The following ZDHHC14 variants were observed in gnomAD, a reference collection of about 807,000 sequenced individuals.
ZDHHC14 encodes palmitoyltransferase ZDHHC14.
ZDHHC14 carries 16 observed loss-of-function variants against 47.7 expected under a neutral mutation model. That is an observed-to-expected ratio of 0.34 (90% CI 0.23 to 0.51). The LOEUF (loss-of-function observed/expected upper bound fraction) is 0.51. Ranked by LOEUF, ZDHHC14 falls within the 20% of genes least tolerant of loss-of-function variation. The probability of loss-of-function intolerance (pLI) is 0.97; values close to 1 mark genes in which losing one functional copy is unlikely to be tolerated. For missense variants in ZDHHC14, 515 were observed against 662.5 expected (o/e 0.78, Z 2.44); for synonymous variants, 293 against 278.9 (o/e 1.05, Z -0.50).
chr6:157,443,942 G>C (rs1193228424), intron 1 of ZDHHC14, among the ~76,000 whole-genome samples: 1 of 152,186 alleles, frequency 6.6e-6, no homozygotes, highest in Non-Finnish European at 1.5e-5. Context: ...TGTACCGTAA[G>C]CACTAGTAAA....
chr6:157,518,093 CTTTG>C (rs199518499), intron 1 of ZDHHC14, among the ~76,000 whole-genome samples: 1,967 of 152,202 alleles, frequency 0.013, 40 homozygotes, highest in African/African-American at 0.046. Context: ...AAGCTTGCAG[CTTTG>C]TTTATTTTCC....
intron 5 of ZDHHC14, among the ~76,000 whole-genome samples, chr6:157,634,343 A>C (rs1776860921): frequency 6.6e-6 from 1 of 152,184 alleles, no homozygotes; most frequent in South Asian, 2.1e-4. Flanking sequence ...GAAGAAGTTG[A>C]CTGGAAGGAA....
At chr6:157,480,639 G>A (rs1393819285) in intron 1 of ZDHHC14, among the ~76,000 whole-genome samples, 3 of 152,158 alleles carry the variant, frequency 2.0e-5, no homozygotes, top group Non-Finnish European at 4.4e-5. Flanking sequence ...CCAGTAGACG[G>A]CTCCCACTTT....
chr6:157,389,339 A>G (rs1341792178), intron 1 of ZDHHC14, among the ~76,000 whole-genome samples: 2 of 152,196 alleles, frequency 1.3e-5, no homozygotes, highest in Non-Finnish European at 2.9e-5. Flanking sequence ...TTGAAGAGTA[A>G]GTTGCAGATA....
intron 1 of ZDHHC14, among the ~76,000 whole-genome samples, chr6:157,480,687 A>G (rs1422254846): frequency 6.6e-6 from 1 of 152,224 alleles, no homozygotes; most frequent in Non-Finnish European, 1.5e-5. Context: ...TCAGATGATC[A>G]TGGTTTTAAG....
chr6:157,558,282 G>A (rs953238432), intron 2 of ZDHHC14, among the ~76,000 whole-genome samples: 1 of 151,948 alleles, frequency 6.6e-6, no homozygotes, highest in African/African-American at 2.4e-5. Context: ...TAATTACTCT[G>A]AGCCAGGTGA....
chr6:157,559,701 A>G (rs1562481183), intron 2 of ZDHHC14, among the ~76,000 whole-genome samples: 1 of 152,218 alleles, frequency 6.6e-6, no homozygotes, highest in Non-Finnish European at 1.5e-5. Context: ...TGTCATGAAT[A>G]CTATTTTGGA....
intron 8 of ZDHHC14, among the ~76,000 whole-genome samples, chr6:157,660,197 T>C (rs1011444108): frequency 4.6e-5 from 7 of 151,280 alleles, no homozygotes; most frequent in African/African-American, 1.7e-4. Context: ...TCTTTTTTTT[T>C]TTTTTTTCTT....
intron 2 of ZDHHC14, among the ~76,000 whole-genome samples, chr6:157,555,656 T>A (rs538949299): frequency 3.3e-4 from 50 of 152,296 alleles, no homozygotes; most frequent in African/African-American, 1.1e-3. Flanking sequence ...TTCTTTTTTT[T>A]AAACAGAGCA....
rs140536209 is a variant in ZDHHC14, at chr6:157,496,357, T to C, written c.246-46228T>C. On this transcript the variant is annotated intron_variant, in intron 1 of 8. Transcript: ENST00000359775. ...CATTGAGGGCTGGTCCCCTCCCACA[T>C]TGGGGAGGAAGTTAACCCCCCCCAT... 3.5e-3 allele frequency among the ~76,000 whole-genome samples: 529 copies of C among 151,560 alleles called. 3 individuals carry two copies. Among genetic ancestry groups the C allele is most frequent in the African/African-American group, 0.011 (470 of 41,224 alleles).
intron 2 of ZDHHC14, among the ~76,000 whole-genome samples, chr6:157,575,694 C>T (rs1783280131): frequency 6.6e-6 from 1 of 152,210 alleles, no homozygotes; most frequent in Admixed American, 6.5e-5. Context: ...GGGAAGAGTT[C>T]CTGCCCCAGG....
At chr6:157,647,823 C>A (rs1342268921) in intron 7 of ZDHHC14, among the ~76,000 whole-genome samples, 2 of 152,242 alleles carry the variant, frequency 1.3e-5, no homozygotes, top group African/African-American at 4.8e-5. Flanking sequence ...GTCGTTGATA[C>A]TGTGGTCATG....
chr6:157,515,667 G>A (rs899808259), intron 1 of ZDHHC14, among the ~76,000 whole-genome samples: 2 of 151,364 alleles, frequency 1.3e-5, no homozygotes, highest in East Asian at 3.9e-4. Context: ...GGGTTTCACC[G>A]TGTTAGCCTG....
chr6:157,481,779 C>G (rs1002711965), intron 1 of ZDHHC14, among the ~76,000 whole-genome samples: 10 of 152,184 alleles, frequency 6.6e-5, no homozygotes, highest in African/African-American at 2.4e-4. Flanking sequence ...TGCACCATTC[C>G]TAAAGCTCGA....
chr6:157,513,852 A>G (rs1242006522), intron 1 of ZDHHC14, among the ~76,000 whole-genome samples: 2 of 152,200 alleles, frequency 1.3e-5, no homozygotes, highest in Non-Finnish European at 2.9e-5. Context: ...CCCAGCCATC[A>G]TGAAACCTGA....
chr6:157,467,893 T>C (rs1031134680), intron 1 of ZDHHC14, among the ~76,000 whole-genome samples: 2 of 152,196 alleles, frequency 1.3e-5, no homozygotes, highest in African/African-American at 2.4e-5. Flanking sequence ...ATCATATTTA[T>C]ACATATATCG....
intron 3 of ZDHHC14, among the ~76,000 whole-genome samples, chr6:157,609,762 G>A (rs951023663): frequency 3.3e-5 from 5 of 152,150 alleles, no homozygotes; most frequent in African/African-American, 9.7e-5. Flanking sequence ...CAGGAGAGCC[G>A]GTGGACAGCA....
intron 3 of ZDHHC14, among the ~76,000 whole-genome samples, chr6:157,601,171 T>C (rs189935727): frequency 2.3e-4 from 35 of 152,366 alleles, no homozygotes; most frequent in African/African-American, 8.2e-4. Context: ...TATAAAACTA[T>C]TGCTATACGA....
intron 7 of ZDHHC14, among the ~76,000 whole-genome samples, chr6:157,648,976 T>C (rs1777691209): frequency 6.6e-6 from 1 of 152,234 alleles, no homozygotes; most frequent in South Asian, 2.1e-4. Context: ...TCCTGAGTCC[T>C]TCATCTGCAT....
Sources: gnomAD v4.1 joint callset for allele counts (sites outside exome capture counted in the v4.1 genomes callset) on GRCh38, gnomAD v4.1.1 for gene constraint, MANE v1.5 for transcripts, NCBI Gene and HGNC (gene_info 2026-07-23, HGNC 2026-07-21) for gene names.